DPYD: variants seen among roughly 807,000 people sequenced by gnomAD.
DPYD encodes dihydropyrimidine dehydrogenase [NADP(+)].
Under a neutral mutation model 116.2 loss-of-function variants are expected in DPYD, and 109 were observed. The observed-to-expected ratio is 0.94, with a 90% CI of 0.80 to 1.10. The LOEUF (loss-of-function observed/expected upper bound fraction) is 1.10, where lower values mean the gene tolerates loss of function less well. Ranked by LOEUF, DPYD falls within the 50% of genes least tolerant of loss-of-function variation. The pLI, the probability that DPYD is intolerant of heterozygous loss-of-function variation, is 0.00. For missense variants in DPYD, 1,302 were observed against 1,254.5 expected (o/e 1.04, Z -0.57); for synonymous variants, 440 against 432.0 (o/e 1.02, Z -0.23).
At chr1:97,676,748 G>A (rs539810965) in intron 8 of DPYD, among the ~76,000 whole-genome samples, 3 of 152,076 alleles carry the variant, frequency 2.0e-5, no homozygotes, top group Admixed American at 6.6e-5. Flanking sequence ...TTCCCAAATC[G>A]ACACTCATGA....
intron 19 of DPYD, among the ~76,000 whole-genome samples, chr1:97,216,382 C>G (rs923705268): frequency 1.9e-4 from 29 of 152,260 alleles, no homozygotes; most frequent in Admixed American, 1.7e-3. Context: ...GTAAAACATT[C>G]AAAAGTTTCC....
chr1:97,336,894 GA>G (rs146955294), intron 16 of DPYD, among the ~76,000 whole-genome samples: 1 of 152,104 alleles, frequency 6.6e-6, no homozygotes, highest in Non-Finnish European at 1.5e-5. Context: ...GGATTGAATG[GA>G]AAAATACAAT....
At chr1:97,474,058 A>G (rs528789098) in intron 13 of DPYD, among the ~76,000 whole-genome samples, 268 of 151,856 alleles carry the variant, frequency 1.8e-3, no homozygotes, top group Non-Finnish European at 3.3e-3. Context: ...AAGAAAACAC[A>G]GTATAAAAGT....
chr1:97,644,597 T>C (rs1476390941), intron 8 of DPYD, among the ~76,000 whole-genome samples: 1 of 150,852 alleles, frequency 6.6e-6, no homozygotes, highest in Non-Finnish European at 1.5e-5. Context: ...CACAGCTAGC[T>C]TGTTTTTTGT....
intron 13 of DPYD, among the ~76,000 whole-genome samples, chr1:97,462,040 C>T (rs1011518161): frequency 6.6e-6 from 1 of 152,046 alleles, no homozygotes; most frequent in Non-Finnish European, 1.5e-5. Context: ...TCATGTTATA[C>T]CTGAAAGGTG....
chr1:97,423,157 A>G (rs546859211), intron 14 of DPYD, among the ~76,000 whole-genome samples: 7 of 152,142 alleles, frequency 4.6e-5, no homozygotes, highest in Admixed American at 2.0e-4. Flanking sequence ...TCCTAGCAAG[A>G]GAAATCATAT....
At chr1:97,762,741 C>A (rs1361123620) in intron 3 of DPYD, among the ~76,000 whole-genome samples, 1 of 151,938 alleles carries the variant, frequency 6.6e-6, no homozygotes, top group Non-Finnish European at 1.5e-5. Context: ...AAAAGATGTA[C>A]ACCTCCAATT....
chr1:97,759,864 A>C (rs1308223761), intron 3 of DPYD, among the ~76,000 whole-genome samples: 2 of 152,178 alleles, frequency 1.3e-5, no homozygotes. Flanking sequence ...TCCATAACTT[A>C]CACAATAACC....
At chr1:97,206,635 ATT>A (rs1275702493) in intron 19 of DPYD, among the ~76,000 whole-genome samples, 2 of 73,160 alleles carry the variant, frequency 2.7e-5, no homozygotes, top group African/African-American at 9.3e-5. Flanking sequence ...AAACAGGGAG[ATT>A]TTATATATAT....
chr1:97,723,981 G>T (rs1159600277), intron 4 of DPYD, among the ~76,000 whole-genome samples: 1 of 151,480 alleles, frequency 6.6e-6, no homozygotes, highest in Non-Finnish European at 1.5e-5. Flanking sequence ...TTTATCTCAG[G>T]AATGCAAGGT....
chr1:97,713,142 C>G (rs1298638011), intron 5 of DPYD, among the ~76,000 whole-genome samples: 2 of 151,814 alleles, frequency 1.3e-5, no homozygotes, highest in Admixed American at 6.6e-5. Flanking sequence ...AGCATCATGC[C>G]TTTTACAAGT....
Position 97,196,874 on chromosome 1 carries a change from G to A in DPYD, c.2443-3626C>T, listed in dbSNP as rs911430440. 3.9e-5 allele frequency among the ~76,000 whole-genome samples: 6 copies of A among 152,072 alleles called. 1 individual carries two copies. The South Asian group carries it at 6.2e-4, about 16-fold the overall frequency. ...ACTATTGCATGGACCAAATGCATAC[G>A]TTTTTAAAAATTTAATCAAGTTATC... On this transcript the variant is annotated intron_variant, in intron 19 of 22. Transcript: ENST00000370192.
intron 8 of DPYD, among the ~76,000 whole-genome samples, chr1:97,616,808 G>A (rs1026768018): frequency 1.1e-4 from 17 of 152,142 alleles, no homozygotes; most frequent in African/African-American, 3.9e-4. Context: ...AAAACTTGAA[G>A]AATGAATATT....
chr1:97,294,945 G>T (rs1482513480), intron 18 of DPYD, among the ~76,000 whole-genome samples: 1 of 152,132 alleles, frequency 6.6e-6, no homozygotes, highest in Non-Finnish European at 1.5e-5. Context: ...AAACCAGAGA[G>T]AATAAATGTT....
chr1:97,091,355 C>T (rs1437897922), intron 21 of DPYD, among the ~76,000 whole-genome samples: 2 of 151,866 alleles, frequency 1.3e-5, no homozygotes, highest in African/African-American at 2.4e-5. Flanking sequence ...CCCAGGTCCT[C>T]CAGGAAAAAG....
chr1:97,749,319 C>T (rs1271779914), intron 3 of DPYD, among the ~76,000 whole-genome samples: 1 of 152,090 alleles, frequency 6.6e-6, no homozygotes. Context: ...TATTTATGCA[C>T]AATAAGGATA....
At chr1:97,788,979 T>A (rs190511085) in intron 3 of DPYD, among the ~76,000 whole-genome samples, 1 of 152,172 alleles carries the variant, frequency 6.6e-6, no homozygotes, top group African/African-American at 2.4e-5. Flanking sequence ...AATTTTTGTA[T>A]TTTTTGTAGA....
rs148406559 is a variant in DPYD, at chr1:97,753,361, C to G, written c.234-12882G>C. ...AAATCTATAATTCTGGTTATCTCTG[C>G]CATTTCCTCAGAACAGAGTATGGTG... On this transcript the variant is annotated intron_variant, in intron 3 of 22. Transcript: ENST00000370192. 1.8e-4 allele frequency among the ~76,000 whole-genome samples: 27 copies of G among 152,244 alleles called. No homozygotes were observed. In the East Asian group the frequency reaches 5.0e-3, roughly 28 times the overall value.
intron 18 of DPYD, among the ~76,000 whole-genome samples, chr1:97,292,227 C>T (rs902494303): frequency 6.6e-6 from 1 of 152,092 alleles, no homozygotes; most frequent in African/African-American, 2.4e-5. Flanking sequence ...TTATAAGCTA[C>T]ATTGGTCTGT....
Sources: gnomAD v4.1 joint callset for allele counts (sites outside exome capture counted in the v4.1 genomes callset) on GRCh38, gnomAD v4.1.1 for gene constraint, MANE v1.5 for transcripts, NCBI Gene and HGNC (gene_info 2026-07-23, HGNC 2026-07-21) for gene names.